The following SOX6 variants were observed in gnomAD, a reference collection of about 807,000 sequenced individuals.
SOX6 encodes transcription factor SOX-6.
A neutral mutation model predicts 97.8 loss-of-function variants in SOX6; 11 were observed. The observed-to-expected ratio is 0.11, with a 90% CI of 0.07 to 0.19. SOX6 has a LOEUF of 0.19. Ranked by LOEUF, SOX6 falls within the 10% of genes least tolerant of loss-of-function variation. SOX6 has a pLI of 1.00. For synonymous variants in SOX6, 360 were observed against 371.4 expected (o/e 0.97, Z 0.35); for missense variants, 810 against 1,039.5 (o/e 0.78, Z 3.04).
chr11:16,200,122 T>C lies in SOX6; in HGVS notation c.536-13167A>G, dbSNP rs539587099. ...TGCCACCAAAGCTTTTGTAGGAGAA[T>C]GTTTTCAGAAGTTATACTTTAGATA... On this transcript the variant is annotated intron_variant, in intron 4 of 15. Coordinates refer to ENST00000683767, the MANE Select transcript of SOX6 (RefSeq NM_001367873.1). Among the ~76,000 whole-genome samples, 4 of 152,310 alleles carry C rather than the reference T, an allele frequency of 2.6e-5. No individual in the cohort carries two copies. The South Asian group carries it at 8.3e-4, about 32-fold the overall frequency.
chr11:16,402,904 A>G, intron 1 of SOX6: 1 of 1,468,608 alleles, frequency 6.8e-7, no homozygotes, highest in South Asian at 1.2e-5. Flanking sequence ...CCAGATTGTC[A>G]TAAAAAGAAC....
At chr11:16,194,967 C>G (rs1851732472) in intron 4 of SOX6, among the ~76,000 whole-genome samples, 1 of 152,164 alleles carries the variant, frequency 6.6e-6, no homozygotes, top group Non-Finnish European at 1.5e-5. Flanking sequence ...ATCTCCATAA[C>G]CTACACATAA....
chr11:16,092,316 T>C (rs1235456214), intron 9 of SOX6, among the ~76,000 whole-genome samples: 1 of 151,896 alleles, frequency 6.6e-6, no homozygotes, highest in Admixed American at 6.6e-5. Context: ...ACCCTATTAT[T>C]TGATGCTAAG....
intron 1 of SOX6, among the ~76,000 whole-genome samples, chr11:16,467,221 C>T (rs1393842030): frequency 6.6e-6 from 1 of 152,118 alleles, no homozygotes; most frequent in Non-Finnish European, 1.5e-5. Flanking sequence ...TTGTGGAAGA[C>T]AGTGTGACGA....
intron 3 of SOX6, among the ~76,000 whole-genome samples, chr11:16,661,714 A>AT (rs1388930182): frequency 2.0e-5 from 3 of 151,752 alleles, no homozygotes; most frequent in South Asian, 2.1e-4. Context: ...AGTGCAGCTA[A>AT]TTTTTTTTAC....
At chr11:16,508,583 A>G (rs958300669) in intron 4 of SOX6, among the ~76,000 whole-genome samples, 9 of 152,048 alleles carry the variant, frequency 5.9e-5, no homozygotes, top group Admixed American at 2.6e-4. Context: ...CCAGGCACAG[A>G]AAGAAAAATA....
In SOX6 at chr11:15,971,247, T is replaced by C. The variant is rs1853298688; in HGVS notation, c.*1562A>G. 6.5e-6 allele frequency: 1 copy of C among 152,700 alleles called. No homozygotes were observed. Among genetic ancestry groups the C allele is most frequent in the South Asian group, 2.1e-4 (1 of 4,832 alleles). 9.5% of individuals were successfully genotyped at this position (152,700 alleles called of 1,614,324 possible). ...TCATTCTCTAGATGTATCATGACTA[T>C]TTGCCACCATCTTTGCTCTGAGGCT... is the stretch of plus-strand genomic sequence containing the variant. On this transcript the variant is annotated 3_prime_UTR_variant, in exon 16 of 16. Coordinates refer to ENST00000683767, the MANE Select transcript of SOX6 (RefSeq NM_001367873.1).
intron 15 of SOX6, among the ~76,000 whole-genome samples, chr11:15,976,179 T>C (rs1853478310): frequency 1.3e-5 from 2 of 152,156 alleles, no homozygotes; most frequent in Non-Finnish European, 1.5e-5. Context: ...ACATAAATGC[T>C]AGAGTGAGAA....
At chr11:16,348,847 A>G (rs1228392678) in intron 1 of SOX6, among the ~76,000 whole-genome samples, 1 of 152,128 alleles carries the variant, frequency 6.6e-6, no homozygotes, top group African/African-American at 2.4e-5. Flanking sequence ...TCGTCTTCTA[A>G]AGTAGCTTAT....
At position 16,269,529 on chromosome 11, in the gene SOX6, A is replaced by C. The variant is rs190934677; in HGVS notation, c.446-34858T>G. Among the ~76,000 whole-genome samples, 937 of 150,928 alleles carry C rather than the reference A, an allele frequency of 6.2e-3. 5 individuals are homozygous for C. Among genetic ancestry groups the C allele is most frequent in the Admixed American group, 9.7e-3 (147 of 15,144 alleles). Reference sequence around the variant, plus strand: ...TTAAAAATTATAAATTAACTTATAAATAACTAACTTCTTCATGATGTTGAG... The same window carrying C: ...TTAAAAATTATAAATTAACTTATAACTAACTAACTTCTTCATGATGTTGAG... On this transcript the variant is annotated intron_variant, in intron 3 of 15. Transcript: ENST00000683767.
At chr11:16,339,511 G>A (rs1472811555) in intron 2 of SOX6, among the ~76,000 whole-genome samples, 1 of 151,988 alleles carries the variant, frequency 6.6e-6, no homozygotes, top group East Asian at 1.9e-4. Flanking sequence ...CTCAGTGAGG[G>A]CATTCCTAAC....
intron 4 of SOX6, among the ~76,000 whole-genome samples, chr11:16,225,239 C>T (rs1487031219): frequency 4.0e-5 from 6 of 151,814 alleles, no homozygotes; most frequent in Admixed American, 2.6e-4. Flanking sequence ...GGTATGTGAA[C>T]TTTGCTATTA....
intron 3 of SOX6, among the ~76,000 whole-genome samples, chr11:16,647,852 C>G (rs1484459723): frequency 6.6e-6 from 1 of 152,194 alleles, no homozygotes; most frequent in Non-Finnish European, 1.5e-5. Flanking sequence ...CTTGCATGCA[C>G]TCCCAATCCC....
At chr11:16,083,387 G>A (rs1326118122) in intron 9 of SOX6, among the ~76,000 whole-genome samples, 33 of 152,114 alleles carry the variant, frequency 2.2e-4, no homozygotes, top group Admixed American at 2.2e-3. Context: ...TTCTAGCTTT[G>A]TCACTGCTAC....
chr11:16,586,040 G>A (rs895228928), intron 4 of SOX6, among the ~76,000 whole-genome samples: 1 of 152,058 alleles, frequency 6.6e-6, no homozygotes, highest in African/African-American at 2.4e-5. Flanking sequence ...CTTTTCAATA[G>A]TACATTGCTC....
chr11:16,339,786 C>T (rs1305741669), intron 2 of SOX6, among the ~76,000 whole-genome samples: 1 of 152,012 alleles, frequency 6.6e-6, no homozygotes, highest in Non-Finnish European at 1.5e-5. Context: ...AACATCGCTC[C>T]ATTATCTTGC....
chr11:16,283,911 A>C (rs1281671772), intron 3 of SOX6: 2 of 432,700 alleles, frequency 4.6e-6, no homozygotes, highest in Non-Finnish European at 9.2e-6. Context: ...TCTTGAAAGA[A>C]AGACTTGCTG....
intron 3 of SOX6, chr11:16,317,783 C>A: frequency 5.4e-6 from 1 of 184,422 alleles, no homozygotes; most frequent in Non-Finnish European, 1.2e-5. Flanking sequence ...ACCAAAAGTG[C>A]AACATAGTAT....
At chr11:16,241,352 T>C (rs987506449) in intron 3 of SOX6, among the ~76,000 whole-genome samples, 14 of 152,068 alleles carry the variant, frequency 9.2e-5, no homozygotes, top group Non-Finnish European at 1.5e-4. Context: ...ACAATTTTAA[T>C]GGAATAAAAA....
Sources: gnomAD v4.1 joint callset for allele counts (sites outside exome capture counted in the v4.1 genomes callset) on GRCh38, gnomAD v4.1.1 for gene constraint, MANE v1.5 for transcripts, NCBI Gene and HGNC (gene_info 2026-07-23, HGNC 2026-07-21) for gene names.